Variants in CHD6 observed in about 807,000 individuals in gnomAD.
CHD6 encodes the protein ATP-dependent chromatin remodeler CHD6.
CHD6 carries 50 observed loss-of-function variants against 276.9 expected under a neutral mutation model. The ratio of observed to expected loss-of-function variants is 0.18; its 90% CI spans 0.14 to 0.23. CHD6 has a LOEUF of 0.23. Ranked by LOEUF, CHD6 falls within the 10% of genes least tolerant of loss-of-function variation. The probability of loss-of-function intolerance (pLI) is 1.00; values close to 1 mark genes in which losing one functional copy is unlikely to be tolerated. For synonymous variants in CHD6, 1,173 were observed against 1,229.3 expected (o/e 0.95, Z 0.96); for missense variants, 2,564 against 3,365.8 (o/e 0.76, Z 5.89).
chr20:41,415,748 T>G, intron 33 of CHD6, 110 bp from the exon 34 acceptor site: 1 of 817,824 alleles, frequency 1.2e-6, no homozygotes, highest in Non-Finnish European at 1.9e-6. Context: ...CCAATCATCT[T>G]TTTAGGAGTT....
At chr20:41,426,071 C>T in intron 28 of CHD6, 22 bp downstream of exon 28, 3 of 1,561,210 alleles carry the variant, frequency 1.9e-6, no homozygotes, top group Middle Eastern at 3.3e-4. Context: ...TTTCCTATGC[C>T]TTCAGAAGGA....
chr20:41,425,402 C>T lies in CHD6; in HGVS notation c.4130-8G>A, dbSNP rs1227515240. The stretch of plus-strand genomic sequence containing the variant: ...GGTCGGAGCCATCCTGGGCTTCAAA[C>T]ATCAGTGAGGATATTAGTATTTACA... On this transcript the variant is annotated splice_region_variant and splice_polypyrimidine_tract_variant and intron_variant, in intron 28 of 36. Transcript: ENST00000373233. 6 of 1,611,120 alleles carry T rather than the reference C, an allele frequency of 3.7e-6. No homozygotes were observed. The East Asian group carries it at 6.7e-5, about 18-fold the overall frequency.
At chr20:41,433,167 C>T (rs182402445) in intron 27 of CHD6, among the ~76,000 whole-genome samples, 32 of 151,514 alleles carry the variant, frequency 2.1e-4, no homozygotes, top group African/African-American at 7.3e-4. Flanking sequence ...TCCCAGAAGG[C>T]GAGGAGAAAG....
chr20:41,476,831 T>C (rs1179108303), intron 16 of CHD6, among the ~76,000 whole-genome samples: 3 of 151,574 alleles, frequency 2.0e-5, no homozygotes, highest in Non-Finnish European at 2.9e-5. Context: ...GCTAAAAAAA[T>C]CCCAACACAC....
chr20:41,607,660 G>A (rs982699913), intron 1 of CHD6, among the ~76,000 whole-genome samples: 2 of 151,892 alleles, frequency 1.3e-5, no homozygotes, highest in Non-Finnish European at 2.9e-5. Flanking sequence ...TGAAGACACG[G>A]GTCTTGCTCT....
At chr20:41,542,387 C>T in intron 2 of CHD6, among the ~76,000 whole-genome samples, 1 of 152,154 alleles carries the variant, frequency 6.6e-6, no homozygotes, top group Non-Finnish European at 1.5e-5. Context: ...AGGACCCCGG[C>T]CTAGAGTTAG....
chr20:41,426,922 A>G (rs540790180), intron 27 of CHD6, among the ~76,000 whole-genome samples: 1 of 152,320 alleles, frequency 6.6e-6, no homozygotes, highest in South Asian at 2.1e-4. Flanking sequence ...ACTAAAACTT[A>G]CTATATTTTG....
intron 36 of CHD6, among the ~76,000 whole-genome samples, chr20:41,411,302 C>T (rs1408091360): frequency 6.6e-6 from 1 of 151,728 alleles, no homozygotes; most frequent in Non-Finnish European, 1.5e-5. Context: ...TCTTTTGGAG[C>T]TATAAAAAGA....
At chr20:41,470,987 C>A (rs576845143) in intron 17 of CHD6, among the ~76,000 whole-genome samples, 1 of 152,366 alleles carries the variant, frequency 6.6e-6, no homozygotes, top group East Asian at 1.9e-4. Flanking sequence ...ATTCTTCCAG[C>A]TGCCATGCCT....
chr20:41,590,000 C>T (rs914967936), intron 1 of CHD6, among the ~76,000 whole-genome samples: 190 of 472 alleles, frequency 0.4, 2 homozygotes, highest in Non-Finnish European at 0.44. Context: ...CAGCATGGTA[C>T]GGGTACAAAA....
chr20:41,455,669 C>T (rs1000993767), intron 19 of CHD6, 131 bp downstream of exon 19: 4 of 624,400 alleles, frequency 6.4e-6, no homozygotes, highest in South Asian at 2.9e-5. Flanking sequence ...TAGATAGTCA[C>T]GCAGACTAAA....
chr20:41,543,913 CCTTTG>C (rs2044992386), intron 2 of CHD6, among the ~76,000 whole-genome samples: 1 of 152,084 alleles, frequency 6.6e-6, no homozygotes, highest in South Asian at 2.1e-4. Flanking sequence ...ATACTTTAAC[CCTTTG>C]GGCTAGTTTT....
intron 27 of CHD6, among the ~76,000 whole-genome samples, chr20:41,435,101 A>C (rs916944735): frequency 3.3e-5 from 5 of 152,200 alleles, no homozygotes. Context: ...TTGGACACTA[A>C]ATAATAAACA....
chr20:41,606,615 C>T (rs537047228), intron 1 of CHD6, among the ~76,000 whole-genome samples: 2 of 150,224 alleles, frequency 1.3e-5, no homozygotes, highest in Non-Finnish European at 2.9e-5. Context: ...GTGGAGGTCA[C>T]AGTGAGCAGA....
chr20:41,585,318 A>G lies in CHD6; in HGVS notation c.-24+33022T>C, dbSNP rs2045582540. ...TGGGAGTTCAAGACCAGCCTGACCA[A>G]CATGGAGAAACCGTCTTTACTAAAA... On this transcript the variant is annotated intron_variant, in intron 1 of 36. Coordinates refer to ENST00000373233, the MANE Select transcript of CHD6 (RefSeq NM_032221.5). Among the ~76,000 whole-genome samples, 4 of 152,090 alleles carry G rather than the reference A, an allele frequency of 2.6e-5. No homozygotes were observed. The South Asian group carries it at 8.3e-4, about 32-fold the overall frequency.
Position 41,416,265 on chromosome 20 carries a change from C to G in CHD6, c.6486+323G>C, listed in dbSNP as rs556087611. Among the ~76,000 whole-genome samples, 10 of 152,218 alleles carry G rather than the reference C, an allele frequency of 6.6e-5. No individual in the cohort carries two copies. In the East Asian group the frequency reaches 1.7e-3, roughly 26 times the overall value. On this transcript the variant is annotated intron_variant, in intron 33 of 36. Transcript: ENST00000373233. The stretch of plus-strand genomic sequence containing the variant: ...TGGGGTCATCTTTGCCAGTTCCCCC[C>G]TATCTTTGTATCCACTCTGAAACAA...
At position 41,416,622 on chromosome 20, in the gene CHD6, C is replaced by T. The variant is rs762258550; in HGVS notation, c.6452G>A (p.Ser2151Asn). ...SEPEAAEHSF[S>N]NGAALAAQIH... ...CTGGGCCGCCAATGCTGCGCCGTTG[C>T]TGAAGCTGTGTTCTGCTGCTTCCGG... The change falls in exon 33 of 37, where the codon AGC becomes AAC. Residue 2151 changes from serine to asparagine, a missense_variant. Around this residue, in one of 7 missense-constraint regions of CHD6, gnomAD observed 1,024 missense variants for 1,047.9 expected, o/e 0.98. Coordinates refer to ENST00000373233, the MANE Select transcript of CHD6 (RefSeq NM_032221.5). 1.5e-5 allele frequency: 24 copies of T among 1,613,448 alleles called. No individual in the cohort carries two copies. Among genetic ancestry groups the T allele is most frequent in the Non-Finnish European group, 1.8e-5 (21 of 1,179,878 alleles).
chr20:41,433,948 T>C (rs2047623097), intron 27 of CHD6, among the ~76,000 whole-genome samples: 1 of 151,786 alleles, frequency 6.6e-6, no homozygotes, highest in Non-Finnish European at 1.5e-5. Flanking sequence ...GCTACAAAAA[T>C]AAAGATAAAT....
chr20:41,495,763 T>C (rs534432322), intron 8 of CHD6, among the ~76,000 whole-genome samples: 1 of 152,344 alleles, frequency 6.6e-6, no homozygotes, highest in East Asian at 1.9e-4. Flanking sequence ...TTTTGACAAT[T>C]ATACTCCAAT....
Sources: allele counts gnomAD v4.1 joint callset (sites outside exome capture counted in the v4.1 genomes callset), GRCh38; gene constraint gnomAD v4.1.1; regional missense constraint gnomAD v4.1.1; transcripts MANE v1.5; gene names NCBI Gene and HGNC (gene_info 2026-07-23, HGNC 2026-07-21).